The following TMPRSS11A variants were observed in gnomAD, a reference collection of about 807,000 sequenced individuals.
TMPRSS11A encodes the protein transmembrane protease serine 11A.
A neutral mutation model predicts 58.9 loss-of-function variants in TMPRSS11A; 53 were observed. The ratio of observed to expected loss-of-function variants is 0.90; its 90% CI spans 0.72 to 1.13. The LOEUF is 1.13. Ranked by LOEUF, TMPRSS11A falls within the 50% of genes most tolerant of loss-of-function variation. The pLI is 0.00. For synonymous variants in TMPRSS11A, 167 were observed against 169.8 expected, an observed-to-expected ratio of 0.98 and a Z score of 0.13; for missense variants, 493 against 499.3, an observed-to-expected ratio of 0.99 and a Z score of 0.12.
chr4:67,946,463 G>A lies in TMPRSS11A; in HGVS notation c.120C>T (p.His40=), dbSNP rs1426603586. 3 of 1,603,154 alleles carry A rather than the reference G, an allele frequency of 1.9e-6. No homozygotes were observed. Among genetic ancestry groups the A allele is most frequent in the East Asian group, 2.3e-5 (1 of 44,030 alleles). ...VVAVTIGLLV[H]FLVFDQKKEY... is the part of the protein sequence containing the mutation. ...AATTTTACCTACCAAATACTAGGAA[G>A]TGAACCAGGAGACCTATGGTCACTG... Residue 40 remains histidine, a synonymous_variant, in exon 2 of 10, where the codon CAC becomes CAT. Transcript: ENST00000508048.
intron 6 of TMPRSS11A, 101 bp from the exon 7 acceptor site, chr4:67,923,027 C>T: frequency 9.1e-7 from 1 of 1,100,932 alleles, no homozygotes; most frequent in Non-Finnish European, 1.3e-6. Flanking sequence ...TACTACTCCT[C>T]CTGCCCAGGA....
rs1313211707 is a variant in TMPRSS11A at position 67,931,998 on chromosome 4, T to TC, written c.314dup (p.Leu106ThrfsTer22). 1.3e-6 allele frequency: 2 copies of TC among 1,595,698 alleles called. No homozygotes were observed. Among genetic ancestry groups the TC allele is most frequent in the South Asian group, 2.2e-5 (2 of 90,506 alleles). On this transcript the variant is annotated frameshift_variant, in exon 4 of 10. Coordinates refer to ENST00000508048, the MANE Select transcript of TMPRSS11A (RefSeq NM_001114387.2). LOFTEE classifies it high-confidence loss of function. Reference sequence around the variant, plus strand: ...CTTTGCCCAAACATACATACGTCAGTCTGACTACTTGGTTCTTGATATAAT... The same window carrying TC: ...CTTTGCCCAAACATACATACGTCAGTCCTGACTACTTGGTTCTTGATATAAT...
At chr4:67,928,658 T>C (rs1214757487) in intron 5 of TMPRSS11A, among the ~76,000 whole-genome samples, 1 of 152,252 alleles carries the variant, frequency 6.6e-6, no homozygotes, top group Non-Finnish European at 1.5e-5. Context: ...GGTTCCTCCC[T>C]TCTGGCTGGG....
At chr4:67,930,129 C>T in intron 4 of TMPRSS11A, 89 bp from the exon 5 acceptor site, 2 of 1,237,184 alleles carry the variant, frequency 1.6e-6, no homozygotes, top group South Asian at 1.7e-5. Context: ...CCTGAATGAT[C>T]CCTCAGTTGC....
intron 1 of TMPRSS11A, 105 bp from the exon 2 acceptor site, chr4:67,946,676 A>C (rs1172407910): frequency 1.4e-5 from 16 of 1,176,870 alleles, no homozygotes; most frequent in Non-Finnish European, 1.8e-5. Flanking sequence ...CTTTCCCTGC[A>C]AAAAGGTCTT....
At chr4:67,924,543 T>C (rs1216372191) in intron 5 of TMPRSS11A, among the ~76,000 whole-genome samples, 1 of 152,200 alleles carries the variant, frequency 6.6e-6, no homozygotes, top group Non-Finnish European at 1.5e-5. Context: ...TAGTTTGTTT[T>C]CACACTGCTG....
In TMPRSS11A at chr4:67,911,089, C is replaced by G. The variant is rs191835314; in HGVS notation, c.*253G>C. ...TGAGTCTCACTGGTACTTCAACATT[C>G]GTGATTTAAAGAGCTAAGTATCTCT... On this transcript the variant is annotated 3_prime_UTR_variant, in exon 10 of 10. Coordinates refer to ENST00000508048, the MANE Select transcript of TMPRSS11A (RefSeq NM_001114387.2). 1.5e-4 allele frequency: 50 copies of G among 325,632 alleles called. 2 individuals carry two copies. In the East Asian group the frequency reaches 2.1e-3, roughly 14 times the overall value. The allele number at this position is 325,632 out of a possible 1,614,324, so 20.2% of individuals were successfully genotyped here.
chr4:67,932,061 C>T lies in TMPRSS11A; in HGVS notation c.253-1G>A. On this transcript the variant is annotated splice_acceptor_variant, in intron 3 of 9. Coordinates refer to ENST00000508048, the MANE Select transcript of TMPRSS11A (RefSeq NM_001114387.2). LOFTEE classifies it high-confidence loss of function. ...CTGAATCTATAAATATCTCATCCACCTGTTACACAACAAGAGAGAAACTAT... is the reference window on the plus strand; with the variant it reads ...CTGAATCTATAAATATCTCATCCACTTGTTACACAACAAGAGAGAAACTAT... The T allele has an allele frequency of 6.5e-7, 1 of 1,530,342 alleles. No homozygotes were observed. The allele number at this position is 1,530,342 out of a possible 1,614,324, so 94.8% of individuals were successfully genotyped here.
At chr4:67,920,852 G>GT (rs1720306773) in intron 7 of TMPRSS11A, among the ~76,000 whole-genome samples, 2 of 151,924 alleles carry the variant, frequency 1.3e-5, no homozygotes, top group Admixed American at 6.6e-5. Flanking sequence ...AGAAAATGTG[G>GT]TATACATACA....
intron 7 of TMPRSS11A, among the ~76,000 whole-genome samples, chr4:67,920,557 T>TA (rs1200957702): frequency 3.6e-5 from 5 of 137,088 alleles, no homozygotes; most frequent in South Asian, 4.8e-4. Context: ...ATATTTTTTT[T>TA]TATATATACA....
intron 1 of TMPRSS11A, among the ~76,000 whole-genome samples, chr4:67,947,519 C>T (rs1168095862): frequency 6.6e-6 from 1 of 152,208 alleles, no homozygotes; most frequent in African/African-American, 2.4e-5. Flanking sequence ...TTATATCCCT[C>T]ATTTCCTATA....
chr4:67,946,292 C>T (rs140302475), intron 2 of TMPRSS11A, among the ~76,000 whole-genome samples, 158 bp downstream of exon 2: 79 of 152,150 alleles, frequency 5.2e-4, no homozygotes, highest in African/African-American at 1.8e-3. Flanking sequence ...GAATTTAGTA[C>T]TTGTTTGTTG....
At chr4:67,922,135 A>G (rs770678469) in intron 7 of TMPRSS11A, among the ~76,000 whole-genome samples, 6 of 152,324 alleles carry the variant, frequency 3.9e-5, no homozygotes, top group Non-Finnish European at 7.3e-5. Context: ...GGAAGGTCAC[A>G]TTGAGTGGCC....
At chr4:67,934,438 A>C (rs140309210) in intron 3 of TMPRSS11A, among the ~76,000 whole-genome samples, 178 of 152,316 alleles carry the variant, frequency 1.2e-3, no homozygotes, top group African/African-American at 4.1e-3. Context: ...AAGTTCCCAG[A>C]AGTTTCAGAG....
chr4:67,932,292 C>A (rs1720648231), intron 3 of TMPRSS11A, among the ~76,000 whole-genome samples: 1 of 152,046 alleles, frequency 6.6e-6, no homozygotes, highest in Admixed American at 6.6e-5. Context: ...TAGAGGGGAC[C>A]TAGGCACTCA....
chr4:67,933,102 GAA>G (rs2109750915), intron 3 of TMPRSS11A, among the ~76,000 whole-genome samples: 1 of 105,052 alleles, frequency 9.5e-6, no homozygotes, highest in Admixed American at 8.6e-5. Flanking sequence ...TTGCATGACT[GAA>G]ACACACACAC....
At chr4:67,962,460 T>A (rs1721457147) in intron 1 of TMPRSS11A, among the ~76,000 whole-genome samples, 1 of 152,158 alleles carries the variant, frequency 6.6e-6, no homozygotes, top group Non-Finnish European at 1.5e-5. Flanking sequence ...CAAGGAATTA[T>A]AGCCATGATT....
At chr4:67,927,702 C>T (rs1213165695) in intron 5 of TMPRSS11A, among the ~76,000 whole-genome samples, 4 of 152,164 alleles carry the variant, frequency 2.6e-5, no homozygotes, top group Admixed American at 2.0e-4. Flanking sequence ...GCAACACCCC[C>T]TAGGCTCCCA....
rs1288523461 is a variant in TMPRSS11A at position 67,911,293 on chromosome 4, T to G, written c.*49A>C. 6.4e-7 allele frequency: 1 copy of G among 1,560,722 alleles called. No homozygotes were observed. On this transcript the variant is annotated 3_prime_UTR_variant, in exon 10 of 10. Transcript: ENST00000508048. The stretch of plus-strand genomic sequence containing the variant: ...CACCCACTAAATAGTTGAATTCTCA[T>G]GCATATATGACCTGCATACAGCTTT...
Sources: allele counts gnomAD v4.1 joint callset (sites outside exome capture counted in the v4.1 genomes callset), GRCh38; gene constraint gnomAD v4.1.1; transcripts MANE v1.5; gene names NCBI Gene and HGNC (gene_info 2026-07-23, HGNC 2026-07-21).